The following SNAPC4 variants were observed in gnomAD, a reference collection of about 807,000 sequenced individuals.
SNAPC4 encodes the protein small nuclear RNA activating complex polypeptide 4, also known as snRNA-activating protein complex subunit 4.
Under a neutral mutation model 151.3 loss-of-function variants are expected in SNAPC4, and 127 were observed. That is an observed-to-expected ratio of 0.84 (90% CI 0.73 to 0.97). The LOEUF (loss-of-function observed/expected upper bound fraction) is 0.97, where lower values mean the gene tolerates loss of function less well. Among genes scored for constraint, SNAPC4 ranks in the 50% least tolerant of loss-of-function variants. The pLI is 0.00. For synonymous variants in SNAPC4, 1,002 were observed against 824.4 expected, an observed-to-expected ratio of 1.22 and a Z score of -3.69; for missense variants, 2,186 against 1,935.0, an observed-to-expected ratio of 1.13 and a Z score of -2.43.
chr9:136,394,755 G>A lies in SNAPC4; in HGVS notation c.550+45C>T, dbSNP rs759063543. 1.1e-5 allele frequency: 17 copies of A among 1,540,574 alleles called. No individual in the cohort carries two copies. The South Asian group carries it at 1.7e-4, about 15-fold the overall frequency. On this transcript the variant is annotated intron_variant, in intron 6 of 23. Transcript: ENST00000684778. ...CTGGGGAAAGGAGGGCCATGGGGAGGTGTCCCAAGCTCAGGGGTGCCGCAG... is the reference window on the plus strand; with the variant it reads ...CTGGGGAAAGGAGGGCCATGGGGAGATGTCCCAAGCTCAGGGGTGCCGCAG...
At position 136,389,176 on chromosome 9, in the gene SNAPC4, C is replaced by T. The variant is rs562644657; in HGVS notation, c.976-585G>A. ...ACCCTCAGTCCACACAGTGGACCAT[C>T]TGCCCAAATCTTTTCCTCACTCATC... On this transcript the variant is annotated intron_variant, in intron 10 of 23. Transcript: ENST00000684778. Among the ~76,000 whole-genome samples, 4 of 152,346 alleles carry T rather than the reference C, an allele frequency of 2.6e-5. No homozygotes were observed. The South Asian group carries it at 8.3e-4, about 32-fold the overall frequency.
intron 18 of SNAPC4, among the ~76,000 whole-genome samples, 167 bp downstream of exon 18, chr9:136,381,657 T>A (rs1223288361): frequency 6.6e-6 from 1 of 152,076 alleles, no homozygotes; most frequent in Non-Finnish European, 1.5e-5. Context: ...TGACTGGGTG[T>A]CCTGGAAACC....
rs1833779436 is a variant in SNAPC4, at chr9:136,383,511, C to T, written c.1658G>A (p.Gly553Glu). The change falls in exon 16 of 24, where the codon GGG becomes GAG. Residue 553 changes from glycine to glutamate, a missense_variant. Transcript: ENST00000684778. The surrounding 1 kb of genome is among the most constrained non-coding windows in gnomAD (Gnocchi z 4.2). The part of the protein sequence containing the change: ...EEDEPEQAQA[G>E]EGDRALLSPQ... ...GGACAGCAGCGCTCTGTCACCCTCC[C>T]CGGCCTGCGCCTGCTCTGGCTCGTC... The T allele has an allele frequency of 1.9e-6, 3 of 1,581,782 alleles. No individual in the cohort carries two copies. The highest frequency in any genetic ancestry group is 2.7e-5 in the African/African-American group (2 of 74,146).
Position 136,388,528 on chromosome 9 carries a change from T to G in SNAPC4, c.1039A>C (p.Lys347Gln), listed in dbSNP as rs772342264. The stretch of plus-strand genomic sequence containing the variant: ...CGGTCCTCCTCCTCTGTCCACTCCT[T>G]GCGTTTCAGAGCTTTGTTGTGCTGC... ...FQQHNKALKR[K>Q]EWTEEEDRML... The change falls in exon 11 of 24, where the codon AAG becomes CAG. Residue 347 changes from lysine to glutamine, a missense_variant. By Grantham distance (53) the Lys-to-Gln change is moderately conservative. Transcript: ENST00000684778. 1 of 1,614,098 alleles carries G rather than the reference T, an allele frequency of 6.2e-7. No individual in the cohort carries two copies. Among genetic ancestry groups the G allele is most frequent in the Admixed American group, 1.7e-5 (1 of 60,028 alleles).
Position 136,379,860 on chromosome 9 carries a change from G to A in SNAPC4, c.2504C>T (p.Ser835Phe), listed in dbSNP as rs578252881. ...RDPPVHLLQA[S>F]SSAQSTPGHL... ...ACCTGGGGTGCTCTGGGCACTTGAG[G>A]ATGCCTGGAAATGAAAGAGAGGAGA... Residue 835 changes from serine (S) to phenylalanine (F), a missense_variant, in exon 21 of 24, where the codon TCC becomes TTC. Ser to Phe is a radical substitution (Grantham distance 155, BLOSUM62 -2). Coordinates refer to ENST00000684778, the MANE Select transcript of SNAPC4 (RefSeq NM_003086.4). 17 of 1,613,140 alleles carry A rather than the reference G, an allele frequency of 1.1e-5. No homozygotes were observed. The Admixed American group carries it at 2.2e-4, about 21-fold the overall frequency.
chr9:136,386,504 G>A (rs368106532), intron 13 of SNAPC4, among the ~76,000 whole-genome samples: 6 of 147,266 alleles, frequency 4.1e-5, no homozygotes, highest in Non-Finnish European at 3.0e-5. Flanking sequence ...GCGTGATCTC[G>A]GCTCACTGCA....
chr9:136,383,220 G>A lies in SNAPC4; in HGVS notation c.1949C>T (p.Thr650Ile), dbSNP rs1833762751. ...CTGCTTCTCTGCGCCCGCCGGGCGA[G>A]TGTCTGCTGAGTGGGAGGCCTGGGC... The part of the protein sequence containing the change: ...RSAQASHSAD[T>I]RPAGAEKQAL... The change falls in exon 16 of 24, where the codon ACT (threonine) becomes ATT (isoleucine). Residue 650 changes from threonine to isoleucine, a missense_variant. Coordinates refer to ENST00000684778, the MANE Select transcript of SNAPC4 (RefSeq NM_003086.4). The surrounding 1 kb of genome is among the most constrained non-coding windows in gnomAD (Gnocchi z 4.2). The A allele has an allele frequency of 1.3e-6, 2 of 1,564,832 alleles. No individual in the cohort carries two copies. Among genetic ancestry groups the A allele is most frequent in the East Asian group, 2.3e-5 (1 of 44,370 alleles).
rs1169342705 is a variant in SNAPC4 at position 136,378,466 on chromosome 9, C to T, written c.3361G>A (p.Ala1121Thr). The change falls in exon 22 of 24, where the codon GCG (alanine) becomes ACG (threonine). Residue 1121 changes from alanine (A) to threonine (T), a missense_variant. Transcript: ENST00000684778. ...TLLPPLTETRAAQGPRAPALS... is the reference protein window; with the variant it reads ...TLLPPLTETRTAQGPRAPALS... ...GCTGGGGCCCTGGGGCCCTGGGCCG[C>T]CCGAGTCTCAGTCAGGGGAGGCAGC... is the stretch of plus-strand genomic sequence containing the variant. 6.3e-7 allele frequency: 1 copy of T among 1,588,616 alleles called. No homozygotes were observed. Among genetic ancestry groups the T allele is most frequent in the East Asian group, 2.2e-5 (1 of 44,552 alleles).
Position 136,383,549 on chromosome 9 carries a change from GCTGCTGCTGCTGCTGCTGCTCCCTCCA to G in SNAPC4, c.1593_1619del (p.Gly532_Ser540del), listed in dbSNP as rs768823413. ...GCTCTGGCTCGTCCTCCTCGCTGCTGCTGCTGCTGCTGCTGCTGCTCCCTCCACTGCTGCCACTGCTGCTGCCGCTGC... is the reference window on the plus strand; with the variant it reads ...GCTCTGGCTCGTCCTCCTCGCTGCTGCTGCTGCCACTGCTGCTGCCGCTGC... On this transcript the variant is annotated inframe_deletion, in exon 16 of 24. Coordinates refer to ENST00000684778, the MANE Select transcript of SNAPC4 (RefSeq NM_003086.4). The surrounding 1 kb of genome is among the most constrained non-coding windows in gnomAD (Gnocchi z 4.2). The G allele has an allele frequency of 1.9e-6, 3 of 1,595,680 alleles. No homozygotes were observed. In the South Asian group the frequency reaches 3.3e-5, roughly 18 times the overall value.
At chr9:136,384,264 C>T (rs913828852) in intron 14 of SNAPC4, among the ~76,000 whole-genome samples, 7 of 152,160 alleles carry the variant, frequency 4.6e-5, no homozygotes, top group Non-Finnish European at 7.4e-5. Flanking sequence ...AAGGAAAAAT[C>T]GTCCTAAGCG....
Position 136,383,803 on chromosome 9 carries a change from G to T in SNAPC4, c.1501-135C>A. On this transcript the variant is annotated intron_variant, in intron 15 of 23. Transcript: ENST00000684778. This position sits in a 1 kb window ranked among gnomAD's most constrained non-coding sequence, Gnocchi z 4.2. Reference sequence around the variant, plus strand: ...GTCAAGAGCAGCCGCTGCCGAGGCAGGGTCTCCCTTTGCCCTTGGCCACCC... The same window carrying T: ...GTCAAGAGCAGCCGCTGCCGAGGCATGGTCTCCCTTTGCCCTTGGCCACCC... The T allele has an allele frequency of 7.3e-7, 1 of 1,369,132 alleles. No homozygotes were observed. The highest frequency in any genetic ancestry group is 1.0e-6 in the Non-Finnish European group (1 of 985,296). The allele number at this position is 1,369,132 out of a possible 1,614,324, so 84.8% of individuals were successfully genotyped here. A position where few individuals can be genotyped will look rare whatever the true frequency, so the allele number is the denominator to read the frequency against.
chr9:136,396,905 C>T, intron 3 of SNAPC4, 72 bp downstream of exon 3: 1 of 1,209,252 alleles, frequency 8.3e-7, no homozygotes, highest in African/African-American at 1.5e-5. Context: ...AAACCACGCC[C>T]CCTCCCAGGC....
At chr9:136,381,476 C>G in intron 18 of SNAPC4, 84 bp from the exon 19 acceptor site, 1 of 1,293,656 alleles carries the variant, frequency 7.7e-7, no homozygotes, top group Admixed American at 1.8e-5. Context: ...CCAGCTCCCA[C>G]GTGCCTTTCG....
rs189352123 is a variant in SNAPC4, at chr9:136,377,443, C to T, written c.4284+100G>A. ...ACACCCAGCAGCCAGCCTTCCTGCC[C>T]GCAACTTCCACCAGCCCCCACCCCA... is the stretch of plus-strand genomic sequence containing the variant. On this transcript the variant is annotated intron_variant, in intron 22 of 23. Coordinates refer to ENST00000684778, the MANE Select transcript of SNAPC4 (RefSeq NM_003086.4). 9,721 of 1,397,480 alleles carry T rather than the reference C, an allele frequency of 7.0e-3. 49 individuals carry two copies. Among genetic ancestry groups the T allele is most frequent in the Non-Finnish European group, 8.5e-3 (9,091 of 1,066,944 alleles). The allele number at this position is 1,397,480 out of a possible 1,614,324, so 86.6% of individuals were successfully genotyped here.
intron 3 of SNAPC4, 122 bp from the exon 4 acceptor site, chr9:136,395,892 C>T: frequency 1.0e-6 from 1 of 973,496 alleles, no homozygotes. Context: ...TAGCAACACC[C>T]AATGTGGAAG....
Position 136,377,660 on chromosome 9 carries a change from G to A in SNAPC4, c.4167C>T (p.Thr1389=), listed in dbSNP as rs760509579. The change falls in exon 22 of 24, where the codon ACC becomes ACT. Residue 1389 remains threonine (T), a synonymous_variant. Transcript: ENST00000684778. ...AGCCCACCCTCGAAGGTACTGAGAG[G>A]GTGGTGCGGACGCCTTGGGGGGCCA... is the stretch of plus-strand genomic sequence containing the variant. ...ATLAPQGVRT[T]LSVPSRVGSE... is the part of the protein sequence containing the mutation. 4.4e-6 allele frequency: 7 copies of A among 1,605,084 alleles called. No individual in the cohort carries two copies. Among genetic ancestry groups the A allele is most frequent in the Middle Eastern group, 1.7e-4 (1 of 6,042 alleles).
intron 13 of SNAPC4, among the ~76,000 whole-genome samples, chr9:136,386,802 G>A (rs1359915940): frequency 6.6e-6 from 1 of 151,556 alleles, no homozygotes; most frequent in South Asian, 2.1e-4. Flanking sequence ...ACCCAGGCTG[G>A]AGTGCTGTGG....
chr9:136,394,734 G>A lies in SNAPC4; in HGVS notation c.550+66C>T. On this transcript the variant is annotated intron_variant, in intron 6 of 23. Transcript: ENST00000684778. ...GTCTGAGAACTTGGGGAGAAACTGG[G>A]GAAAGGAGGGCCATGGGGAGGTGTC... 4 of 1,412,950 alleles carry A rather than the reference G, an allele frequency of 2.8e-6. No individual in the cohort carries two copies. The Admixed American group carries it at 5.3e-5, about 19-fold the overall frequency. 87.5% of individuals were successfully genotyped at this position (1,412,950 alleles called of 1,614,324 possible).
Position 136,387,591 on chromosome 9 carries a change from GA to G in SNAPC4, c.1231-13del. ...GCTTGAAGCAACTTCTGCAGGAAGG[GA>G]CAGGCAGACAAGTGAAGCCTCTGCA... On this transcript the variant is annotated splice_polypyrimidine_tract_variant and intron_variant, in intron 12 of 23. Coordinates refer to ENST00000684778, the MANE Select transcript of SNAPC4 (RefSeq NM_003086.4). 1 of 1,597,382 alleles carries G rather than the reference GA, an allele frequency of 6.3e-7. No homozygotes were observed. Among genetic ancestry groups the G allele is most frequent in the Non-Finnish European group, 8.6e-7 (1 of 1,164,936 alleles).
Sources: allele counts gnomAD v4.1 joint callset (sites outside exome capture counted in the v4.1 genomes callset), GRCh38; gene constraint gnomAD v4.1.1; non-coding constraint Gnocchi (gnomAD v3.1); transcripts MANE v1.5; gene names NCBI Gene and HGNC (gene_info 2026-07-23, HGNC 2026-07-21).